Variants in SLMAP observed in about 807,000 individuals in gnomAD.
SLMAP encodes the protein sarcolemma associated protein, also known as sarcolemmal membrane-associated protein.
A neutral mutation model predicts 128.8 loss-of-function variants in SLMAP; 44 were observed. The observed-to-expected ratio is 0.34, with a 90% confidence interval of 0.27 to 0.44. The LOEUF (loss-of-function observed/expected upper bound fraction) is 0.44. Ranked by LOEUF, SLMAP falls within the 20% of genes least tolerant of loss-of-function variation. The pLI is 1.00. For missense variants in SLMAP, 787 were observed against 985.3 expected (o/e 0.80, Z 2.69); for synonymous variants, 327 against 348.8 (o/e 0.94, Z 0.70).
At chr3:57,909,233 T>C (rs1463972645) in intron 19 of SLMAP, 83 bp downstream of exon 19, 3 of 980,674 alleles carry the variant, frequency 3.1e-6, no homozygotes, top group Admixed American at 4.4e-5. Context: ...CCAGGCGCAG[T>C]GGCTCATGCC....
intron 2 of SLMAP, among the ~76,000 whole-genome samples, chr3:57,760,819 C>T (rs1323394370): frequency 2.0e-5 from 3 of 152,118 alleles, no homozygotes; most frequent in African/African-American, 7.2e-5. Context: ...CCTCTCCCTC[C>T]TGGGTTCAAG....
At chr3:57,876,828 A>G (rs951541148) in intron 14 of SLMAP, among the ~76,000 whole-genome samples, 2 of 152,198 alleles carry the variant, frequency 1.3e-5, no homozygotes, top group Non-Finnish European at 2.9e-5. Flanking sequence ...GTGGGCATAG[A>G]GTGAGAGATA....
rs1351607635 is a variant in SLMAP at position 57,928,535 on chromosome 3, C to T, written c.*1246C>T. 2 of 152,184 alleles carry T rather than the reference C, an allele frequency of 1.3e-5. No homozygotes were observed. The highest frequency in any genetic ancestry group is 4.8e-5 in the African/African-American group (2 of 41,454). The allele number at this position is 152,184 out of a possible 1,614,324, so 9.4% of individuals were successfully genotyped here. The stretch of plus-strand genomic sequence containing the variant: ...CTATGCACAATGAAGCACCTAAAAA[C>T]ACTGCTTGATATTATAAATTTAAAA... On this transcript the variant is annotated 3_prime_UTR_variant, in exon 25 of 25. Transcript: ENST00000671191.
rs1032963167 is a variant in SLMAP at position 57,864,727 on chromosome 3, A to T, written c.1135+11A>T. On this transcript the variant is annotated intron_variant, in intron 11 of 24. Transcript: ENST00000671191. ...TAACAGCTTTACAAGGTAAGTAGCT[A>T]ATCCAGAAATTGATTTTATTTTATT... 1 of 1,581,122 alleles carries T rather than the reference A, an allele frequency of 6.3e-7. No individual in the cohort carries two copies. The highest frequency in any genetic ancestry group is 8.6e-7 in the Non-Finnish European group (1 of 1,168,880).
intron 15 of SLMAP, among the ~76,000 whole-genome samples, chr3:57,891,359 G>GT (rs1241865488): frequency 2.0e-5 from 3 of 151,772 alleles, no homozygotes; most frequent in African/African-American, 7.2e-5. Context: ...TTAATTTATT[G>GT]TTTTTATCTT....
At chr3:57,896,321 T>C in intron 15 of SLMAP, 190 bp from the exon 16 acceptor site, 2 of 1,312,858 alleles carry the variant, frequency 1.5e-6, no homozygotes, top group Non-Finnish European at 1.9e-6. Flanking sequence ...TAATTTAATA[T>C]GAGCTACGTG....
intron 2 of SLMAP, among the ~76,000 whole-genome samples, chr3:57,799,573 A>G (rs183977197): frequency 4.7e-4 from 72 of 152,226 alleles, no homozygotes; most frequent in African/African-American, 1.5e-3. Flanking sequence ...TTTCCTTTAA[A>G]CATTTTGAGC....
At chr3:57,855,858 A>G (rs1560265870) in intron 6 of SLMAP, among the ~76,000 whole-genome samples, 1 of 152,040 alleles carries the variant, frequency 6.6e-6, no homozygotes, top group Non-Finnish European at 1.5e-5. Flanking sequence ...AGCCTGTCCA[A>G]CATGGTAAAA....
At chr3:57,803,307 T>C (rs1436006795) in intron 2 of SLMAP, among the ~76,000 whole-genome samples, 2 of 152,222 alleles carry the variant, frequency 1.3e-5, no homozygotes, top group Non-Finnish European at 2.9e-5. Flanking sequence ...GTAGTCAGTT[T>C]ATTCAAGATG....
At chr3:57,773,947 A>G (rs1315343987) in intron 2 of SLMAP, among the ~76,000 whole-genome samples, 1 of 152,184 alleles carries the variant, frequency 6.6e-6, no homozygotes, top group African/African-American at 2.4e-5. Flanking sequence ...TTTAAATACT[A>G]TTTCTGATAT....
chr3:57,926,049 C>T, intron 24 of SLMAP, 115 bp downstream of exon 24: 1 of 721,990 alleles, frequency 1.4e-6, no homozygotes, highest in Non-Finnish European at 2.4e-6. Flanking sequence ...GAAGCAAACC[C>T]TTCATTTAGT....
At chr3:57,887,305 C>A (rs1402653355) in intron 14 of SLMAP, among the ~76,000 whole-genome samples, 1 of 151,008 alleles carries the variant, frequency 6.6e-6, no homozygotes, top group South Asian at 2.1e-4. Flanking sequence ...TCTCAGCTCA[C>A]CTCAATCTCC....
chr3:57,903,639 T>C lies in SLMAP; in HGVS notation c.1502-4245T>C, dbSNP rs563228318. Among the ~76,000 whole-genome samples, 125 of 152,342 alleles carry C rather than the reference T, an allele frequency of 8.2e-4. 1 individual carries two copies. The highest frequency in any genetic ancestry group is 1.6e-4 in the Non-Finnish European group (11 of 68,036). On this transcript the variant is annotated intron_variant, in intron 17 of 24. Coordinates refer to ENST00000671191, the MANE Select transcript of SLMAP (RefSeq NM_001377540.1). ...AAGTATTCTGTCAGTTCATTTATAG[T>C]GTGAATTTACAGGATTTAGCCTTAG...
chr3:57,849,872 G>C, intron 6 of SLMAP, 56 bp downstream of exon 6: 2 of 1,021,522 alleles, frequency 2.0e-6, no homozygotes, highest in South Asian at 1.3e-5. Context: ...ACTTTTAAAA[G>C]TTCTTAAAAG....
At chr3:57,919,663 G>A (rs775023896) in intron 22 of SLMAP, among the ~76,000 whole-genome samples, 3 of 151,270 alleles carry the variant, frequency 2.0e-5, no homozygotes, top group East Asian at 2.0e-4. Context: ...GCATGGTGGC[G>A]CATGCCTGTA....
chr3:57,866,023 T>A (rs2095291539), intron 13 of SLMAP, among the ~76,000 whole-genome samples: 1 of 152,228 alleles, frequency 6.6e-6, no homozygotes, highest in African/African-American at 2.4e-5. Flanking sequence ...TAAACTCTTT[T>A]CTGTGTTTAC....
Position 57,847,186 on chromosome 3 carries a change from T to G in SLMAP, c.420-11T>G. 2 of 1,586,748 alleles carry G rather than the reference T, an allele frequency of 1.3e-6. No individual in the cohort carries two copies. The highest frequency in any genetic ancestry group is 1.7e-6 in the Non-Finnish European group (2 of 1,161,506). ...GGATATTAGATAAAACTTCTAAATT[T>G]TACTTTTCAGTGTCATCCATGCACC... On this transcript the variant is annotated splice_polypyrimidine_tract_variant and intron_variant, in intron 4 of 24. Transcript: ENST00000671191.
intron 2 of SLMAP, among the ~76,000 whole-genome samples, chr3:57,767,474 T>C (rs1334434897): frequency 6.6e-6 from 1 of 152,234 alleles, no homozygotes; most frequent in Non-Finnish European, 1.5e-5. Flanking sequence ...TATAAGTCAT[T>C]ATTTATTGAG....
At chr3:57,864,882 T>G in intron 12 of SLMAP, 25 bp downstream of exon 12, 1 of 1,530,018 alleles carries the variant, frequency 6.5e-7, no homozygotes, top group Non-Finnish European at 8.8e-7. Flanking sequence ...TATTTCTTAC[T>G]TAAACCTGAA....
Sources: allele counts gnomAD v4.1 joint callset (sites outside exome capture counted in the v4.1 genomes callset), GRCh38; gene constraint gnomAD v4.1.1; transcripts MANE v1.5; gene names NCBI Gene and HGNC (gene_info 2026-07-23, HGNC 2026-07-21).